ARB2A: variants seen among roughly 807,000 people sequenced by gnomAD.
ARB2A encodes the protein cotranscriptional regulator ARB2A.
At chr5:93,766,706 T>C in the ARB2A span, among the ~76,000 whole-genome samples, 1 of 152,146 alleles carries the variant, frequency 6.6e-6, no homozygotes, top group Non-Finnish European at 1.5e-5. Flanking sequence ...CCCAAAGGAT[T>C]ATAAATCATG....
At chr5:93,873,470 G>C in the ARB2A span, among the ~76,000 whole-genome samples, 2 of 151,426 alleles carry the variant, frequency 1.3e-5, no homozygotes, top group Non-Finnish European at 2.9e-5. Context: ...AGGGGAAAGG[G>C]AAAGGAGAAA....
the ARB2A span, among the ~76,000 whole-genome samples, chr5:93,778,299 A>C: frequency 0.014 from 2,097 of 152,334 alleles, 55 homozygotes; most frequent in African/African-American, 0.047. Context: ...CATTGATAGA[A>C]TACCACATCA....
the ARB2A span, among the ~76,000 whole-genome samples, chr5:94,096,029 C>A: frequency 1.3e-5 from 2 of 152,184 alleles, no homozygotes; most frequent in South Asian, 2.1e-4. Context: ...CCCATCAATT[C>A]TCAGATATGA....
chr5:93,886,944 T>TAAGTTTCCAACTTCAAATA, the ARB2A span, among the ~76,000 whole-genome samples: 1 of 151,796 alleles, frequency 6.6e-6, no homozygotes. Flanking sequence ...TTATCCCAGT[T>TAAGTTTCCAACTTCAAATA]AAGTTTCCAA....
At chr5:93,971,428 A>T in the ARB2A span, among the ~76,000 whole-genome samples, 24 of 151,806 alleles carry the variant, frequency 1.6e-4, no homozygotes, top group East Asian at 9.9e-4. Flanking sequence ...TTAGCCAGGC[A>T]TGGTGGTGCA....
chr5:93,855,511 C>T, the ARB2A span, among the ~76,000 whole-genome samples: 10 of 152,204 alleles, frequency 6.6e-5, no homozygotes, highest in East Asian at 1.4e-3. Context: ...ATGATGTTAG[C>T]TGGTTATTTT....
At chr5:93,806,752 G>T in the ARB2A span, among the ~76,000 whole-genome samples, 2 of 151,864 alleles carry the variant, frequency 1.3e-5, no homozygotes, top group Non-Finnish European at 2.9e-5. Flanking sequence ...AAAGTAGAAA[G>T]AGATTTCTAT....
At chr5:94,033,893 T>C in the ARB2A span, among the ~76,000 whole-genome samples, 1 of 152,192 alleles carries the variant, frequency 6.6e-6, no homozygotes, top group South Asian at 2.1e-4. Flanking sequence ...GTCCTTAAGG[T>C]AGATTAATGT....
chr5:93,661,546 T>C, the ARB2A span, among the ~76,000 whole-genome samples: 2 of 152,018 alleles, frequency 1.3e-5, no homozygotes, highest in African/African-American at 4.8e-5. Flanking sequence ...CAGAGAGTCA[T>C]CACCTATCAG....
chr5:93,783,689 A>G, the ARB2A span, among the ~76,000 whole-genome samples: 1 of 152,224 alleles, frequency 6.6e-6, no homozygotes, highest in Non-Finnish European at 1.5e-5. Context: ...AGATAAATAA[A>G]AATAAAAGAA....
the ARB2A span, among the ~76,000 whole-genome samples, chr5:93,951,366 C>T: frequency 8.3e-4 from 127 of 152,174 alleles, no homozygotes; most frequent in African/African-American, 3.0e-3. Flanking sequence ...GCTTTGGTTG[C>T]CTGCGCTTAT....
the ARB2A span, among the ~76,000 whole-genome samples, chr5:93,926,697 A>T: frequency 6.6e-6 from 1 of 152,096 alleles, no homozygotes; most frequent in Non-Finnish European, 1.5e-5. Flanking sequence ...GAAAGAAATC[A>T]ATCCTAAGGC....
the ARB2A span, among the ~76,000 whole-genome samples, chr5:94,020,313 A>C: frequency 2.6e-5 from 4 of 152,174 alleles, no homozygotes; most frequent in African/African-American, 9.7e-5. Flanking sequence ...ATTAGGAGAA[A>C]TAACTAATGC....
At chr5:94,033,033 G>A in the ARB2A span, among the ~76,000 whole-genome samples, 1 of 152,106 alleles carries the variant, frequency 6.6e-6, no homozygotes, top group Non-Finnish European at 1.5e-5. Flanking sequence ...GGTTTTAGAA[G>A]TGTTTTGGTA....
chr5:94,081,131 A>C, the ARB2A span, among the ~76,000 whole-genome samples: 1 of 152,208 alleles, frequency 6.6e-6, no homozygotes, highest in South Asian at 2.1e-4. Context: ...AAACCACATG[A>C]GATACCTAAT....
At chr5:93,808,611 T>C in the ARB2A span, among the ~76,000 whole-genome samples, 3 of 151,920 alleles carry the variant, frequency 2.0e-5, no homozygotes, top group Non-Finnish European at 4.4e-5. Flanking sequence ...TCTCCATGAA[T>C]CTCTTAAAAA....
chr5:93,647,485 C>T, the ARB2A span, among the ~76,000 whole-genome samples: 2 of 152,004 alleles, frequency 1.3e-5, no homozygotes, highest in African/African-American at 4.8e-5. Flanking sequence ...CTCGGCCTCC[C>T]GAAGTGCTGG....
chr5:93,828,969 G>A, the ARB2A span, among the ~76,000 whole-genome samples: 1 of 152,212 alleles, frequency 6.6e-6, no homozygotes, highest in Admixed American at 6.5e-5. Context: ...TAGAGATGGG[G>A]TTTCGCCATG....
At chr5:93,964,753 T>C in the ARB2A span, among the ~76,000 whole-genome samples, 1 of 152,060 alleles carries the variant, frequency 6.6e-6, no homozygotes, top group Admixed American at 6.6e-5. Context: ...TAATATACAT[T>C]AACAAAAATA....
Sources: gnomAD v4.1 joint callset for allele counts (sites outside exome capture counted in the v4.1 genomes callset) on GRCh38, gnomAD v4.1.1 for gene constraint, MANE v1.5 for transcripts, NCBI Gene and HGNC (gene_info 2026-07-23, HGNC 2026-07-21) for gene names.